NFAT5: variants seen among roughly 807,000 people sequenced by gnomAD.
NFAT5 encodes the protein nuclear factor of activated T-cells 5.
Under a neutral mutation model 166.5 loss-of-function variants are expected in NFAT5, and 31 were observed. That is an observed-to-expected ratio of 0.19 (90% CI 0.14 to 0.25). The LOEUF (loss-of-function observed/expected upper bound fraction) is 0.25, where lower values mean the gene tolerates loss of function less well. Ranked by LOEUF, NFAT5 falls within the 10% of genes least tolerant of loss-of-function variation. The pLI is 1.00. For synonymous variants in NFAT5, 612 were observed against 639.7 expected, an observed-to-expected ratio of 0.96 and a Z score of 0.65; for missense variants, 1,449 against 1,821.8, an observed-to-expected ratio of 0.80 and a Z score of 3.72.
chr16:69,604,598 G>A (rs1008152184), intron 2 of NFAT5, among the ~76,000 whole-genome samples: 5 of 151,922 alleles, frequency 3.3e-5, no homozygotes, highest in South Asian at 2.1e-4. Flanking sequence ...TTTTTATTGC[G>A]GTGAACTGCA....
chr16:69,660,003 G>C, intron 7 of NFAT5, 104 bp downstream of exon 7: 1 of 989,970 alleles, frequency 1.0e-6, no homozygotes, highest in Non-Finnish European at 1.5e-6. Context: ...GCTCCGGCTT[G>C]TGATCATGCA....
Position 69,659,836 on chromosome 16 carries a change from A to G in NFAT5, c.1306A>G (p.Asn436Asp), listed in dbSNP as rs780471011. The change falls in exon 7 of 15, where the codon AAT (asparagine) becomes GAT (aspartate). Residue 436 changes from asparagine (N) to aspartate (D), a missense_variant. Coordinates refer to ENST00000349945, the MANE Select transcript of NFAT5 (RefSeq NM_138713.4). ...STRARLVFRVNIMRKDGSTLT... is the reference protein window; with the variant it reads ...STRARLVFRVDIMRKDGSTLT... ...TCGTGCCAGATTGGTTTTTCGAGTT[A>G]ATATCATGAGGAAAGATGGCTCCAC... 2.5e-6 allele frequency: 4 copies of G among 1,614,076 alleles called. No homozygotes were observed. Among genetic ancestry groups the G allele is most frequent in the Non-Finnish European group, 2.5e-6 (3 of 1,179,964 alleles).
chr16:69,581,287 A>C (rs1447813347), intron 2 of NFAT5, among the ~76,000 whole-genome samples: 2 of 152,130 alleles, frequency 1.3e-5, no homozygotes, highest in African/African-American at 4.8e-5. Flanking sequence ...TTTTTATTGC[A>C]GAATAGTATT....
chr16:69,574,110 A>T (rs1022412531), intron 2 of NFAT5, among the ~76,000 whole-genome samples: 2 of 152,028 alleles, frequency 1.3e-5, no homozygotes, highest in South Asian at 4.1e-4. Context: ...ACCTCAGGTG[A>T]TCCACCCACC....
intron 9 of NFAT5, among the ~76,000 whole-genome samples, chr16:69,671,559 C>T (rs1355006965): frequency 1.3e-5 from 2 of 152,176 alleles, no homozygotes; most frequent in Admixed American, 1.3e-4. Context: ...TTAGAAGAGA[C>T]GGGGTTTCAC....
intron 2 of NFAT5, among the ~76,000 whole-genome samples, chr16:69,603,418 ATCT>A (rs1355573501): frequency 6.6e-6 from 1 of 152,094 alleles, no homozygotes; most frequent in Admixed American, 6.6e-5. Flanking sequence ...AGCCCTCTAA[ATCT>A]TCTTCAAGTT....
At chr16:69,576,320 G>C (rs1428585299) in intron 2 of NFAT5, among the ~76,000 whole-genome samples, 1 of 148,622 alleles carries the variant, frequency 6.7e-6, no homozygotes, top group East Asian at 2.0e-4. Flanking sequence ...AAGAACGTTT[G>C]AAATTGGCAT....
intron 6 of NFAT5, among the ~76,000 whole-genome samples, chr16:69,657,311 G>A (rs1456202378): frequency 6.6e-6 from 1 of 151,150 alleles, no homozygotes; most frequent in Non-Finnish European, 1.5e-5. Context: ...TTGTATTTTA[G>A]TAGAGACGGG....
At chr16:69,663,073 T>C (rs2036220477) in intron 7 of NFAT5, among the ~76,000 whole-genome samples, 1 of 152,042 alleles carries the variant, frequency 6.6e-6, no homozygotes, top group Non-Finnish European at 1.5e-5. Context: ...TGCAAAGAGT[T>C]GGGATTGGAA....
chr16:69,661,325 C>T (rs1490958434), intron 7 of NFAT5, among the ~76,000 whole-genome samples: 1 of 147,878 alleles, frequency 6.8e-6, no homozygotes, highest in African/African-American at 2.5e-5. Context: ...AAGCCAGAAA[C>T]TTATAATGGA....
chr16:69,602,465 T>C (rs1273963458), intron 2 of NFAT5, among the ~76,000 whole-genome samples: 1 of 151,922 alleles, frequency 6.6e-6, no homozygotes, highest in Non-Finnish European at 1.5e-5. Context: ...ATGAGGTTTC[T>C]CCATATTGCT....
intron 7 of NFAT5, among the ~76,000 whole-genome samples, chr16:69,667,065 C>T (rs1303576178): frequency 1.8e-4 from 27 of 150,152 alleles, no homozygotes; most frequent in East Asian, 1.8e-3. Context: ...AGTAAACTAT[C>T]GCAAGAACAA....
intron 3 of NFAT5, among the ~76,000 whole-genome samples, chr16:69,634,234 A>G (rs1266643326): frequency 6.8e-6 from 1 of 147,066 alleles, no homozygotes; most frequent in Non-Finnish European, 1.5e-5. Context: ...AGCCGAGATC[A>G]TGCCACTGCA....
Position 69,653,282 on chromosome 16 carries a change from T to C in NFAT5, c.859T>C (p.Leu287=). 6.2e-7 allele frequency: 1 copy of C among 1,609,870 alleles called. No homozygotes were observed. Among genetic ancestry groups the C allele is most frequent in the Non-Finnish European group, 8.5e-7 (1 of 1,178,918 alleles). ...AACTGGAGTAAAGAAGAGCCCTATG[T>C]TGTGTGGACAATATCCTGTTAAAAG... ...KGTGVKKSPM[L]CGQYPVKSEG... The change falls in exon 5 of 15, where the codon TTG becomes CTG. Residue 287 remains leucine, a synonymous_variant. Coordinates refer to ENST00000349945, the MANE Select transcript of NFAT5 (RefSeq NM_138713.4).
chr16:69,617,331 T>TCTA (rs2033999888), intron 2 of NFAT5, among the ~76,000 whole-genome samples: 1 of 152,194 alleles, frequency 6.6e-6, no homozygotes, highest in African/African-American at 2.4e-5. Context: ...CAGTGGTGTA[T>TCTA]GGATTCTTGA....
At chr16:69,638,816 ATGTAT>A (rs1017494454) in intron 3 of NFAT5, among the ~76,000 whole-genome samples, 84 of 152,086 alleles carry the variant, frequency 5.5e-4, no homozygotes, top group Middle Eastern at 6.8e-3. Flanking sequence ...AATATTTAAA[ATGTAT>A]TGTAGCGTAT....
intron 4 of NFAT5, chr16:69,649,234 CAT>C (rs2035571784): frequency 1.0e-6 from 1 of 956,620 alleles, no homozygotes; most frequent in Non-Finnish European, 1.2e-6. Flanking sequence ...CATTTAATTA[CAT>C]ATGTGTGTTT....
Position 69,693,191 on chromosome 16 carries a change from T to A in NFAT5, c.3366T>A (p.Thr1122=), listed in dbSNP as rs200310145. Residue 1122 remains threonine (T), a synonymous_variant, in exon 13 of 15, where the codon ACT becomes ACA. Transcript: ENST00000349945. ...HSPNPIVHSQ[T]STTSSEQMQP... ...CAAATCCTATTGTCCACAGTCAGAC[T>A]TCTACAACCTCCTCTGAACAAATGC... is the stretch of plus-strand genomic sequence containing the variant. 1 of 1,614,186 alleles carries A rather than the reference T, an allele frequency of 6.2e-7. No homozygotes were observed. Among genetic ancestry groups the A allele is most frequent in the African/African-American group, 1.3e-5 (1 of 75,040 alleles).
chr16:69,647,970 G>A lies in NFAT5; in HGVS notation c.812+384G>A, dbSNP rs1184210505. 6.6e-6 allele frequency among the ~76,000 whole-genome samples: 1 copy of A among 151,802 alleles called. No individual in the cohort carries two copies. The highest frequency in any genetic ancestry group is 1.9e-4 in the East Asian group (1 of 5,192). On this transcript the variant is annotated intron_variant, in intron 4 of 14. Coordinates refer to ENST00000349945, the MANE Select transcript of NFAT5 (RefSeq NM_138713.4). This position sits in a 1 kb window ranked among gnomAD's most constrained non-coding sequence, Gnocchi z 4.8. Reference sequence around the variant, plus strand: ...GCGGATCACCTGAGGTCAGGAGTTCGAGACCAGCCTGACCAACATGGTGAA... The same window carrying A: ...GCGGATCACCTGAGGTCAGGAGTTCAAGACCAGCCTGACCAACATGGTGAA...
Sources: allele counts gnomAD v4.1 joint callset (sites outside exome capture counted in the v4.1 genomes callset), GRCh38; gene constraint gnomAD v4.1.1; non-coding constraint Gnocchi (gnomAD v3.1); transcripts MANE v1.5; gene names NCBI Gene and HGNC (gene_info 2026-07-23, HGNC 2026-07-21).